The following AAGAB variants were observed in gnomAD, a reference collection of about 807,000 sequenced individuals.
AAGAB encodes alpha- and gamma-adaptin-binding protein p34.
Under a neutral mutation model 44.1 loss-of-function variants are expected in AAGAB, and 38 were observed. The observed-to-expected ratio is 0.86, with a 90% CI of 0.67 to 1.13. The LOEUF (loss-of-function observed/expected upper bound fraction) is 1.13, where lower values mean the gene tolerates loss of function less well. Ranked by LOEUF, AAGAB falls within the 50% of genes most tolerant of loss-of-function variation. The pLI is 0.00. For synonymous variants in AAGAB, 131 were observed against 131.8 expected, an observed-to-expected ratio of 0.99 and a Z score of 0.04; for missense variants, 450 against 373.8, an observed-to-expected ratio of 1.20 and a Z score of -1.68.
intron 5 of AAGAB, among the ~76,000 whole-genome samples, chr15:67,218,560 C>T (rs1374914513): frequency 1.3e-5 from 2 of 152,178 alleles, no homozygotes; most frequent in Non-Finnish European, 2.9e-5. Context: ...AAGGCACAGT[C>T]CTGAGTATGA....
intron 5 of AAGAB, 105 bp downstream of exon 5, chr15:67,231,709 A>C (rs554221951): frequency 2.2e-5 from 21 of 933,628 alleles, no homozygotes; most frequent in Non-Finnish European, 3.3e-5. Context: ...AATTGGAACA[A>C]ATCTACAGAT....
chr15:67,224,417 A>G (rs1964151641), intron 5 of AAGAB, among the ~76,000 whole-genome samples: 1 of 152,204 alleles, frequency 6.6e-6, no homozygotes, highest in Non-Finnish European at 1.5e-5. Flanking sequence ...GGACTGTCAC[A>G]GCACTGCTGA....
chr15:67,247,163 G>A (rs1964746420), intron 1 of AAGAB, among the ~76,000 whole-genome samples: 1 of 152,094 alleles, frequency 6.6e-6, no homozygotes, highest in African/African-American at 2.4e-5. Flanking sequence ...CTTCACTCCT[G>A]AAGTCAGCGA....
At chr15:67,235,330 C>T (rs1452174808) in intron 4 of AAGAB, among the ~76,000 whole-genome samples, 1 of 152,182 alleles carries the variant, frequency 6.6e-6, no homozygotes, top group African/African-American at 2.4e-5. Context: ...AGTTTCATCT[C>T]TTGTACCAGA....
rs370826027 is a variant in AAGAB, at chr15:67,222,242, G to GCA, written c.535+9570_535+9571dup. ...TGCATGCACGCGCACGCGCGCGCGC[G>GCA]CACACACACACACACACACACACAC... On this transcript the variant is annotated intron_variant, in intron 5 of 9. Transcript: ENST00000261880. 6.7e-3 allele frequency among the ~76,000 whole-genome samples: 608 copies of GCA among 90,096 alleles called. 3 individuals are homozygous for GCA. Among genetic ancestry groups the GCA allele is most frequent in the Non-Finnish European group, 8.7e-3 (380 of 43,732 alleles). The allele number at this position is 90,096 out of a possible 152,430, so 59.1% of individuals were successfully genotyped here. A position where few individuals can be genotyped will look rare whatever the true frequency, so the allele number is the denominator to read the frequency against.
At chr15:67,245,606 T>C (rs1429241747) in intron 1 of AAGAB, among the ~76,000 whole-genome samples, 2 of 152,216 alleles carry the variant, frequency 1.3e-5, no homozygotes, top group Non-Finnish European at 2.9e-5. Context: ...AACAGGCAGA[T>C]TGTATACTAC....
chr15:67,239,929 A>T (rs540480721), intron 1 of AAGAB, among the ~76,000 whole-genome samples: 1 of 152,348 alleles, frequency 6.6e-6, no homozygotes, highest in South Asian at 2.1e-4. Context: ...TTTACAGATG[A>T]GGAAACTGAG....
At chr15:67,243,543 T>C (rs1964653838) in intron 1 of AAGAB, among the ~76,000 whole-genome samples, 1 of 152,132 alleles carries the variant, frequency 6.6e-6, no homozygotes, top group Non-Finnish European at 1.5e-5. Flanking sequence ...GCCACTAGCA[T>C]CTAGTGAGTA....
At chr15:67,225,242 A>T (rs1032988759) in intron 5 of AAGAB, among the ~76,000 whole-genome samples, 1 of 152,196 alleles carries the variant, frequency 6.6e-6, no homozygotes, top group African/African-American at 2.4e-5. Flanking sequence ...AGCCTAACTC[A>T]TATGGCTTTT....
chr15:67,204,159 GA>G lies in AAGAB; in HGVS notation c.716-12del, dbSNP rs1472725748. On this transcript the variant is annotated splice_polypyrimidine_tract_variant and intron_variant, in intron 7 of 9. Coordinates refer to ENST00000261880, the MANE Select transcript of AAGAB (RefSeq NM_024666.5). ...GATCTAACATGGGATCTGAAATAGG[GA>G]TTTGTCACATTATCTGTCACGTTAT... 2.6e-6 allele frequency: 4 copies of G among 1,539,518 alleles called. No homozygotes were observed. The East Asian group carries it at 9.0e-5, about 35-fold the overall frequency.
chr15:67,214,130 G>T (rs1208326262), intron 5 of AAGAB, among the ~76,000 whole-genome samples: 2 of 152,132 alleles, frequency 1.3e-5, no homozygotes, highest in Non-Finnish European at 2.9e-5. Context: ...ACAACTACTG[G>T]CTTACTGGAT....
intron 1 of AAGAB, among the ~76,000 whole-genome samples, chr15:67,248,209 T>A (rs970814504): frequency 6.6e-6 from 1 of 152,138 alleles, no homozygotes; most frequent in Non-Finnish European, 1.5e-5. Flanking sequence ...TAATGTTGGT[T>A]GAAAAAATGT....
chr15:67,229,876 C>T (rs1431637725), intron 5 of AAGAB, among the ~76,000 whole-genome samples: 1 of 152,030 alleles, frequency 6.6e-6, no homozygotes, highest in Non-Finnish European at 1.5e-5. Context: ...GAAATGGAGT[C>T]TTGCTCTGTC....
intron 1 of AAGAB, among the ~76,000 whole-genome samples, chr15:67,245,324 A>C (rs1233489832): frequency 1.3e-5 from 2 of 152,260 alleles, no homozygotes; most frequent in Non-Finnish European, 2.9e-5. Context: ...TATGAAGTAC[A>C]TGCTACAATA....
chr15:67,226,545 A>G (rs1017932289), intron 5 of AAGAB, among the ~76,000 whole-genome samples: 2 of 152,142 alleles, frequency 1.3e-5, no homozygotes, highest in African/African-American at 4.8e-5. Flanking sequence ...AGTTCTTTAT[A>G]TATTCTAGAT....
At chr15:67,208,231 C>T (rs928167964) in intron 7 of AAGAB, among the ~76,000 whole-genome samples, 1 of 152,148 alleles carries the variant, frequency 6.6e-6, no homozygotes, top group Non-Finnish European at 1.5e-5. Context: ...TTGTCACCAT[C>T]GATTCTGACT....
intron 5 of AAGAB, among the ~76,000 whole-genome samples, chr15:67,220,271 C>G (rs1256263672): frequency 6.6e-6 from 1 of 152,202 alleles, no homozygotes; most frequent in Non-Finnish European, 1.5e-5. Flanking sequence ...TCATTAAAAT[C>G]TTACTCACGT....
At chr15:67,203,660 A>G (rs1278920881) in intron 8 of AAGAB, 63 bp from the exon 9 acceptor site, 42 of 1,375,208 alleles carry the variant, frequency 3.1e-5, no homozygotes, top group Admixed American at 6.8e-5. Context: ...GAGTATATGA[A>G]TAACACTAGA....
chr15:67,219,956 A>T (rs1964032049), intron 5 of AAGAB, among the ~76,000 whole-genome samples: 1 of 152,218 alleles, frequency 6.6e-6, no homozygotes, highest in Non-Finnish European at 1.5e-5. Context: ...TTAAGTAACA[A>T]AAAGACATTA....
Sources: gnomAD v4.1 joint callset for allele counts (sites outside exome capture counted in the v4.1 genomes callset) on GRCh38, gnomAD v4.1.1 for gene constraint, MANE v1.5 for transcripts, NCBI Gene and HGNC (gene_info 2026-07-23, HGNC 2026-07-21) for gene names.